Variants in GULP1 observed in about 807,000 individuals in gnomAD.
The protein encoded by GULP1 is PTB domain-containing engulfment adapter protein 1.
Under a neutral mutation model 40.9 loss-of-function variants are expected in GULP1, and 19 were observed. The ratio of observed to expected loss-of-function variants is 0.46; its 90% CI spans 0.32 to 0.68. The LOEUF is 0.68. GULP1 is among the 30% of genes least tolerant of loss of function. The pLI is 0.03. For missense variants in GULP1, 312 were observed against 362.2 expected, an observed-to-expected ratio of 0.86 and a Z score of 1.12; for synonymous variants, 119 against 117.6, an observed-to-expected ratio of 1.01 and a Z score of -0.08.
intron 7 of GULP1, among the ~76,000 whole-genome samples, chr2:188,546,462 T>C (rs1393728545): frequency 6.6e-6 from 1 of 152,086 alleles, no homozygotes; most frequent in African/African-American, 2.4e-5. Flanking sequence ...TATTCATAAA[T>C]ATTCCATACA....
intron 1 of GULP1, among the ~76,000 whole-genome samples, chr2:188,355,245 G>C (rs1353015680): frequency 6.6e-6 from 1 of 151,706 alleles, no homozygotes; most frequent in Admixed American, 6.6e-5. Context: ...AATGGAAAGT[G>C]GATTTTCTTA....
intron 4 of GULP1, among the ~76,000 whole-genome samples, chr2:188,512,914 G>A (rs527495189): frequency 6.6e-6 from 1 of 152,056 alleles, no homozygotes; most frequent in East Asian, 1.9e-4. Context: ...AACCAAATAC[G>A]ACATATCTTA....
At chr2:188,499,164 T>TATATATAC (rs1553571385) in intron 4 of GULP1, among the ~76,000 whole-genome samples, 7 of 141,480 alleles carry the variant, frequency 4.9e-5, no homozygotes, top group African/African-American at 1.5e-4. Flanking sequence ...TATATATATA[T>TATATATAC]ATATATGAAC....
chr2:188,511,656 A>G (rs1318917490), intron 4 of GULP1, among the ~76,000 whole-genome samples: 3 of 152,172 alleles, frequency 2.0e-5, no homozygotes, highest in African/African-American at 7.2e-5. Context: ...TATAGCAAGT[A>G]GACTTGTTTG....
chr2:188,399,758 T>A (rs111390149), intron 2 of GULP1, among the ~76,000 whole-genome samples: 4 of 150,184 alleles, frequency 2.7e-5, no homozygotes, highest in South Asian at 2.1e-4. Flanking sequence ...ATAAAGATTT[T>A]GCCAGTAAAG....
At chr2:188,349,810 A>G (rs1457525924) in intron 1 of GULP1, among the ~76,000 whole-genome samples, 5 of 152,116 alleles carry the variant, frequency 3.3e-5, no homozygotes, top group Non-Finnish European at 7.4e-5. Flanking sequence ...AATTATGGCT[A>G]TGTCTTCTTC....
At chr2:188,495,852 A>G (rs1333356044) in intron 4 of GULP1, among the ~76,000 whole-genome samples, 1 of 152,034 alleles carries the variant, frequency 6.6e-6, no homozygotes, top group African/African-American at 2.4e-5. Flanking sequence ...CACGGAAAAA[A>G]AAGCTTCCGT....
At chr2:188,463,855 T>C (rs1470125135) in intron 2 of GULP1, among the ~76,000 whole-genome samples, 1 of 152,202 alleles carries the variant, frequency 6.6e-6, no homozygotes, top group Non-Finnish European at 1.5e-5. Context: ...CTTGATTCTT[T>C]TTAATTATTT....
intron 7 of GULP1, among the ~76,000 whole-genome samples, chr2:188,551,034 C>G (rs1212590707): frequency 6.6e-6 from 1 of 151,512 alleles, no homozygotes; most frequent in African/African-American, 2.4e-5. Context: ...GAGTGACCAG[C>G]TGTAAACTAG....
chr2:188,464,629 G>T (rs1486910137), intron 2 of GULP1, among the ~76,000 whole-genome samples: 1 of 152,204 alleles, frequency 6.6e-6, no homozygotes, highest in African/African-American at 2.4e-5. Flanking sequence ...CGGTTCAGAG[G>T]TGCCACCTGG....
rs1033363610 is a variant in GULP1, at chr2:188,454,258, T to C, written c.-44-23401T>C. 2.0e-5 allele frequency among the ~76,000 whole-genome samples: 3 copies of C among 152,076 alleles called. No homozygotes were observed. In the East Asian group the frequency reaches 5.8e-4, roughly 29 times the overall value. On this transcript the variant is annotated intron_variant, in intron 2 of 11. Transcript: ENST00000409830. ...TCTCAGCAGAGAGGGGATGTGGGAG[T>C]GTTCCCCCAATCCTGCAGTCTGGTG... is the stretch of plus-strand genomic sequence containing the variant.
intron 4 of GULP1, among the ~76,000 whole-genome samples, chr2:188,486,560 AG>A (rs1276557638): frequency 6.6e-6 from 1 of 151,958 alleles, no homozygotes; most frequent in Admixed American, 6.6e-5. Flanking sequence ...TTAAAGCATT[AG>A]TGTTCTGTTT....
intron 2 of GULP1, among the ~76,000 whole-genome samples, chr2:188,452,922 C>CT (rs1244985452): frequency 6.6e-6 from 1 of 151,994 alleles, no homozygotes; most frequent in African/African-American, 2.4e-5. Flanking sequence ...ATCAAATACA[C>CT]TTTTTTGGAG....
At chr2:188,432,338 A>G (rs1297065794) in intron 2 of GULP1, among the ~76,000 whole-genome samples, 1 of 151,814 alleles carries the variant, frequency 6.6e-6, no homozygotes, top group Non-Finnish European at 1.5e-5. Context: ...TAGATTACTT[A>G]TGAAAAACTG....
rs1049237308 is a variant in GULP1, at chr2:188,292,425, A to G, written c.-172+259A>G. 6.6e-6 allele frequency among the ~76,000 whole-genome samples: 1 copy of G among 152,232 alleles called. No homozygotes were observed. The highest frequency in any genetic ancestry group is 1.5e-5 in the Non-Finnish European group (1 of 68,046). On this transcript the variant is annotated intron_variant, in intron 1 of 11. Transcript: ENST00000409830. This position sits in a 1 kb window ranked among gnomAD's most constrained non-coding sequence, Gnocchi z 4.0. ...TTGACGCCTGCTATGGCAGCGCTTG[A>G]GAAATGACTGGGGGAGTCCAGCGAG... is the stretch of plus-strand genomic sequence containing the variant.
intron 4 of GULP1, among the ~76,000 whole-genome samples, chr2:188,489,046 G>T (rs191441535): frequency 6.6e-6 from 1 of 151,742 alleles, no homozygotes. Context: ...ATTGTTTTTT[G>T]AGAACATATG....
At chr2:188,469,563 A>G (rs745521597) in intron 2 of GULP1, among the ~76,000 whole-genome samples, 2 of 152,148 alleles carry the variant, frequency 1.3e-5, no homozygotes, top group Non-Finnish European at 2.9e-5. Context: ...GGAGTGAGGC[A>G]TCTCACATGG....
At chr2:188,373,553 A>AT (rs777354811) in intron 1 of GULP1, among the ~76,000 whole-genome samples, 6 of 151,330 alleles carry the variant, frequency 4.0e-5, no homozygotes, top group East Asian at 1.9e-4. Flanking sequence ...TAGTTTTTTT[A>AT]TTTTTTTTGA....
At chr2:188,458,875 T>G (rs936931173) in intron 2 of GULP1, among the ~76,000 whole-genome samples, 34 of 152,234 alleles carry the variant, frequency 2.2e-4, no homozygotes, top group African/African-American at 7.9e-4. Context: ...ATACCCATGA[T>G]TCTACTCTCT....
Sources: allele counts gnomAD v4.1 joint callset (sites outside exome capture counted in the v4.1 genomes callset), GRCh38; gene constraint gnomAD v4.1.1; non-coding constraint Gnocchi (gnomAD v3.1); transcripts MANE v1.5; gene names NCBI Gene and HGNC (gene_info 2026-07-23, HGNC 2026-07-21).